The following TBC1D4 variants were observed in gnomAD, a reference collection of about 807,000 sequenced individuals.
The protein encoded by TBC1D4 is TBC (Tre-2, BUB2, CDC16) domain-containing protein.
In TBC1D4, 121 loss-of-function variants were observed where a neutral mutation model predicts 142.5. That is an observed-to-expected ratio of 0.85 (90% CI 0.73 to 0.99). TBC1D4 has a LOEUF of 0.99. Among genes scored for constraint, TBC1D4 ranks in the 50% least tolerant of loss-of-function variants. TBC1D4 has a pLI of 0.00. For synonymous variants in TBC1D4, 630 were observed against 628.2 expected (o/e 1.00, Z -0.04); for missense variants, 1,475 against 1,606.6 (o/e 0.92, Z 1.40).
intron 18 of TBC1D4, among the ~76,000 whole-genome samples, chr13:75,292,480 G>C: frequency 6.6e-6 from 1 of 151,872 alleles, no homozygotes; most frequent in East Asian, 1.9e-4. Context: ...CTCAGATAAA[G>C]CCAGGGTAAA....
At chr13:75,446,197 C>A (rs1041550491) in intron 1 of TBC1D4, among the ~76,000 whole-genome samples, 2 of 152,178 alleles carry the variant, frequency 1.3e-5, no homozygotes, top group African/African-American at 4.8e-5. Flanking sequence ...TCATGCTACC[C>A]ATATGCTATT....
intron 1 of TBC1D4, among the ~76,000 whole-genome samples, chr13:75,393,938 A>AAC (rs1196309504): frequency 1.3e-5 from 2 of 151,738 alleles, no homozygotes; most frequent in Admixed American, 6.6e-5. Context: ...AAAAAAAAAA[A>AAC]AACAAAAAAA....
intron 1 of TBC1D4, among the ~76,000 whole-genome samples, chr13:75,408,260 T>C (rs1281095240): frequency 6.6e-6 from 1 of 152,240 alleles, no homozygotes; most frequent in African/African-American, 2.4e-5. Context: ...TTGGGGTTCA[T>C]AATGTTGTGG....
chr13:75,294,481 C>A (rs2137849376), intron 18 of TBC1D4, among the ~76,000 whole-genome samples: 2 of 152,200 alleles, frequency 1.3e-5, no homozygotes, highest in Admixed American at 1.3e-4. Context: ...GTTTTGAATG[C>A]AAGATGAAGA....
intron 8 of TBC1D4, among the ~76,000 whole-genome samples, chr13:75,333,504 A>C (rs1439501087): frequency 2.0e-5 from 3 of 152,244 alleles, no homozygotes. Context: ...TCTCAAATGC[A>C]GAGGCAAGTT....
intron 7 of TBC1D4, among the ~76,000 whole-genome samples, chr13:75,338,445 G>T (rs1393608189): frequency 6.6e-6 from 1 of 152,102 alleles, no homozygotes. Flanking sequence ...CATAGTAACT[G>T]CTCAGTAAAT....
intron 18 of TBC1D4, among the ~76,000 whole-genome samples, 186 bp downstream of exon 18, chr13:75,294,668 T>A (rs533546694): frequency 6.6e-6 from 1 of 152,354 alleles, no homozygotes; most frequent in Non-Finnish European, 1.5e-5. Context: ...ATTTCAATTT[T>A]ATGTAAGACA....
rs953821963 is a variant in TBC1D4, at chr13:75,381,922, T to C, written c.499-19315A>G. On this transcript the variant is annotated intron_variant, in intron 1 of 20. Transcript: ENST00000377636. ...TCTATGGAGATAGATGGGAAATTAA[T>C]AAATGAAATACTAGCAGACAATATA... 2.0e-5 allele frequency among the ~76,000 whole-genome samples: 3 copies of C among 152,176 alleles called. No individual in the cohort carries two copies. In the East Asian group the frequency reaches 5.8e-4, roughly 29 times the overall value.
At position 75,357,367 on chromosome 13, in the gene TBC1D4, T is replaced by C. The variant is rs192190444; in HGVS notation, c.1171-1116A>G. 3.3e-3 allele frequency among the ~76,000 whole-genome samples: 497 copies of C among 152,212 alleles called. 2 individuals carry two copies. Among genetic ancestry groups the C allele is most frequent in the African/African-American group, 0.01 (428 of 41,524 alleles). On this transcript the variant is annotated intron_variant, in intron 3 of 20. Transcript: ENST00000377636. ...GATATGACATCCACACAGATTAAAT[T>C]TGCACGGTGACTACCAGCCCCCCAT...
intron 1 of TBC1D4, among the ~76,000 whole-genome samples, chr13:75,475,326 T>C (rs1209261238): frequency 6.6e-6 from 1 of 152,248 alleles, no homozygotes; most frequent in Non-Finnish European, 1.5e-5. Context: ...AAATCATAAT[T>C]GAGCTGTTCT....
intron 1 of TBC1D4, among the ~76,000 whole-genome samples, chr13:75,438,465 G>A (rs1185304531): frequency 1.3e-5 from 2 of 152,160 alleles, no homozygotes; most frequent in East Asian, 3.9e-4. Context: ...TATCCTAGGT[G>A]TATAAAAAGG....
At chr13:75,418,151 A>G (rs1445041364) in intron 1 of TBC1D4, among the ~76,000 whole-genome samples, 6 of 152,216 alleles carry the variant, frequency 3.9e-5, no homozygotes, top group Non-Finnish European at 8.8e-5. Context: ...AAAATCACCT[A>G]GTGTGATTCA....
chr13:75,300,388 T>C (rs61960554), intron 16 of TBC1D4, among the ~76,000 whole-genome samples: 82,425 of 151,284 alleles, frequency 0.54, 22,587 homozygotes, highest in Non-Finnish European at 0.56. Context: ...GGTATGGGCA[T>C]TTTTCTAGGG....
intron 14 of TBC1D4, 88 bp downstream of exon 14, chr13:75,309,854 G>A (rs529991036): frequency 5.1e-5 from 67 of 1,320,996 alleles, no homozygotes; most frequent in Middle Eastern, 1.9e-4. Flanking sequence ...AACTGAGTGC[G>A]GATAGTATGT....
At chr13:75,399,846 C>A (rs547483015) in intron 1 of TBC1D4, among the ~76,000 whole-genome samples, 1 of 152,250 alleles carries the variant, frequency 6.6e-6, no homozygotes, top group East Asian at 1.9e-4. Context: ...CTAACAGTTT[C>A]TACTATTGAG....
chr13:75,315,429 T>TATATATATGTACAC (rs1878233104), intron 12 of TBC1D4, among the ~76,000 whole-genome samples: 1 of 146,262 alleles, frequency 6.8e-6, no homozygotes, highest in Non-Finnish European at 1.5e-5. Context: ...CACACACATA[T>TATATATATGTACAC]ATATATATAT....
At chr13:75,317,201 CCTTGCATTAGTT>C (rs747460879) in intron 12 of TBC1D4, among the ~76,000 whole-genome samples, 6 of 152,288 alleles carry the variant, frequency 3.9e-5, no homozygotes, top group Admixed American at 1.3e-4. Context: ...TGTAAATACT[CCTTGCATTAGTT>C]CTGAACAAAG....
At chr13:75,398,262 G>A (rs1263415736) in intron 1 of TBC1D4, among the ~76,000 whole-genome samples, 3 of 152,200 alleles carry the variant, frequency 2.0e-5, no homozygotes, top group Admixed American at 2.0e-4. Context: ...GAGGTGGTTT[G>A]TTACGCAATG....
chr13:75,376,347 C>T (rs1190994021), intron 1 of TBC1D4, among the ~76,000 whole-genome samples: 1 of 151,190 alleles, frequency 6.6e-6, no homozygotes, highest in Admixed American at 6.6e-5. Flanking sequence ...AATATCTTTT[C>T]CAAATACAAT....
Sources: allele counts gnomAD v4.1 joint callset (sites outside exome capture counted in the v4.1 genomes callset), GRCh38; gene constraint gnomAD v4.1.1; transcripts MANE v1.5; gene names NCBI Gene and HGNC (gene_info 2026-07-23, HGNC 2026-07-21).